DCAF7: variants seen among roughly 807,000 people sequenced by gnomAD.
DCAF7 encodes the protein DDB1- and CUL4-associated factor 7.
A neutral mutation model predicts 41.2 loss-of-function variants in DCAF7; 4 were observed. That is an observed-to-expected ratio of 0.10 (90% CI 0.05 to 0.22). The LOEUF is 0.22. Ranked by LOEUF, DCAF7 falls within the 10% of genes least tolerant of loss-of-function variation. The pLI is 1.00. For missense variants in DCAF7, 131 were observed against 443.2 expected, an observed-to-expected ratio of 0.30 and a Z score of 6.32; for synonymous variants, 143 against 164.2, an observed-to-expected ratio of 0.87 and a Z score of 0.99.
intron 1 of DCAF7, among the ~76,000 whole-genome samples, chr17:63,560,593 G>GAT (rs1294776777): frequency 1.3e-5 from 2 of 152,158 alleles, no homozygotes; most frequent in Non-Finnish European, 2.9e-5. Flanking sequence ...GTGTAGAAGG[G>GAT]ATACACAAGA....
intron 5 of DCAF7, 134 bp downstream of exon 5, chr17:63,583,845 T>G: frequency 2.2e-6 from 2 of 891,732 alleles, no homozygotes; most frequent in Non-Finnish European, 3.5e-6. Context: ...CATTTTTGAT[T>G]GTCACAGCTC....
At chr17:63,551,006 T>C (rs999139883) in intron 1 of DCAF7, among the ~76,000 whole-genome samples, 191 bp downstream of exon 1, 2 of 152,242 alleles carry the variant, frequency 1.3e-5, no homozygotes, top group African/African-American at 2.4e-5. Context: ...GCAGCATTCT[T>C]GTGTAGTCGG....
At chr17:63,569,741 G>A (rs535742591) in intron 1 of DCAF7, among the ~76,000 whole-genome samples, 2 of 152,196 alleles carry the variant, frequency 1.3e-5, no homozygotes, top group African/African-American at 4.8e-5. Context: ...GAGATGGAGT[G>A]TCACTCTGTT....
intron 1 of DCAF7, among the ~76,000 whole-genome samples, chr17:63,574,804 C>T (rs924552143): frequency 6.6e-6 from 1 of 151,964 alleles, no homozygotes; most frequent in African/African-American, 2.4e-5. Flanking sequence ...AAAACCCTGT[C>T]TCTACAAAAA....
rs1055201487 is a variant in DCAF7 at position 63,592,513 on chromosome 17, A to C, written c.*3341A>C. The stretch of plus-strand genomic sequence containing the variant: ...AGAAACAAAAAATTCAGAATCCTAC[A>C]AGGTTTTGATGACAATTAGGGCCAA... On this transcript the variant is annotated 3_prime_UTR_variant, in exon 7 of 7. Transcript: ENST00000614556. 2 of 152,234 alleles carry C rather than the reference A, an allele frequency of 1.3e-5. No homozygotes were observed. Among genetic ancestry groups the C allele is most frequent in the African/African-American group, 2.4e-5 (1 of 41,466 alleles). The allele number at this position is 152,234 out of a possible 1,614,324, so 9.4% of individuals were successfully genotyped here.
chr17:63,565,960 G>T (rs1290119925), intron 1 of DCAF7, among the ~76,000 whole-genome samples: 3 of 152,010 alleles, frequency 2.0e-5, no homozygotes, highest in Non-Finnish European at 4.4e-5. Context: ...AATTAGCTGG[G>T]CATGGTGGTG....
In DCAF7 at chr17:63,569,383, G is replaced by GA. The variant is rs796123483; in HGVS notation, c.139-9071dup. Among the ~76,000 whole-genome samples, 492 of 123,650 alleles carry GA rather than the reference G, an allele frequency of 4.0e-3. 2 individuals are homozygous for GA. Among genetic ancestry groups the GA allele is most frequent in the South Asian group, 0.02 (77 of 3,868 alleles). The allele number at this position is 123,650 out of a possible 152,430, so 81.1% of individuals were successfully genotyped here. On this transcript the variant is annotated intron_variant, in intron 1 of 6. Coordinates refer to ENST00000614556, the MANE Select transcript of DCAF7 (RefSeq NM_005828.5). ...ATAACCTATGGAGCTCTACTTTAAG[G>GA]AAAAAAAAAAAAAAAAGCTCATGCC... is the stretch of plus-strand genomic sequence containing the variant.
chr17:63,550,579 C>T lies in DCAF7; in HGVS notation c.-99C>T. Reference sequence around the variant, plus strand: ...CCGGGTTAGGCCGTTCCTGCCCGCCCCCTCCTCTCCTCCCTTCGGACCCAT... The same window carrying T: ...CCGGGTTAGGCCGTTCCTGCCCGCCTCCTCCTCTCCTCCCTTCGGACCCAT... On this transcript the variant is annotated 5_prime_UTR_variant, in exon 1 of 7. Transcript: ENST00000614556. The surrounding 1 kb of genome is among the most constrained non-coding windows in gnomAD (Gnocchi z 4.8). 6.6e-7 allele frequency: 1 copy of T among 1,525,328 alleles called. No homozygotes were observed. Among genetic ancestry groups the T allele is most frequent in the Admixed American group, 1.9e-5 (1 of 51,450 alleles). 94.5% of individuals were successfully genotyped at this position (1,525,328 alleles called of 1,614,324 possible). A position where few individuals can be genotyped will look rare whatever the true frequency, so the allele number is the denominator to read the frequency against.
Position 63,550,740 on chromosome 17 carries a change from G to C in DCAF7, c.63G>C (p.Ala21=). The C allele has an allele frequency of 6.2e-7, 1 of 1,613,944 alleles. No individual in the cohort carries two copies. Reference sequence around the variant, plus strand: ...ATGAAGCGCCCTGGACAGTCTACGCGATGAACTGGAGTGTGCGGCCCGATA... The same window carrying C: ...ATGAAGCGCCCTGGACAGTCTACGCCATGAACTGGAGTGTGCGGCCCGATA... ...YKYEAPWTVY[A]MNWSVRPDKR... is the part of the protein sequence containing the mutation. The change falls in exon 1 of 7, where the codon GCG becomes GCC. Residue 21 remains alanine (A), a synonymous_variant. Coordinates refer to ENST00000614556, the MANE Select transcript of DCAF7 (RefSeq NM_005828.5). This position sits in a 1 kb window ranked among gnomAD's most constrained non-coding sequence, Gnocchi z 4.8.
rs537614386 is a variant in DCAF7, at chr17:63,564,157, A to T, written c.138+13342A>T. ...TTTATACACACACACACACACACAC[A>T]CACACATACACATATATACACACAC... is the stretch of plus-strand genomic sequence containing the variant. On this transcript the variant is annotated intron_variant, in intron 1 of 6. Coordinates refer to ENST00000614556, the MANE Select transcript of DCAF7 (RefSeq NM_005828.5). Among the ~76,000 whole-genome samples, 18 of 152,106 alleles carry T rather than the reference A, an allele frequency of 1.2e-4. No homozygotes were observed. In the East Asian group the frequency reaches 2.1e-3, roughly 18 times the overall value.
Position 63,591,262 on chromosome 17 carries a change from C to T in DCAF7, c.*2090C>T, listed in dbSNP as rs1038678647. On this transcript the variant is annotated 3_prime_UTR_variant, in exon 7 of 7. Transcript: ENST00000614556. The stretch of plus-strand genomic sequence containing the variant: ...GGGCTGGTCTGCTGGGCAGGGCTTA[C>T]ATCCACTGAGTTCTAAGATTCCTTT... 3.3e-5 allele frequency: 5 copies of T among 152,206 alleles called. No homozygotes were observed. The highest frequency in any genetic ancestry group is 1.2e-4 in the African/African-American group (5 of 41,442). The allele number at this position is 152,206 out of a possible 1,614,324, so 9.4% of individuals were successfully genotyped here.
Position 63,552,645 on chromosome 17 carries a change from T to A in DCAF7, c.138+1830T>A, listed in dbSNP as rs185974629. 5 of 152,380 alleles carry A rather than the reference T, an allele frequency of 3.3e-5. No homozygotes were observed. In the East Asian group the frequency reaches 9.6e-4, roughly 29 times the overall value. 9.4% of individuals were successfully genotyped at this position (152,380 alleles called of 1,614,324 possible). ...GTCTTTCAAAGGGCTTAAGTCTTTT[T>A]ACACAAATTAATGTTTTTTCTTGTA... On this transcript the variant is annotated intron_variant, in intron 1 of 6. Transcript: ENST00000614556.
intron 1 of DCAF7, among the ~76,000 whole-genome samples, chr17:63,578,021 C>G (rs1345277374): frequency 2.6e-5 from 4 of 152,158 alleles, no homozygotes; most frequent in Admixed American, 2.6e-4. Context: ...GATACCCTCT[C>G]ATGGCAATCG....
chr17:63,556,045 G>T (rs2033307570), intron 1 of DCAF7, among the ~76,000 whole-genome samples: 1 of 152,182 alleles, frequency 6.6e-6, no homozygotes, highest in South Asian at 2.1e-4. Flanking sequence ...CTGGTCCTTG[G>T]TAATCAGTCA....
chr17:63,556,643 C>T (rs529028528), intron 1 of DCAF7, among the ~76,000 whole-genome samples: 27 of 151,808 alleles, frequency 1.8e-4, no homozygotes, highest in Non-Finnish European at 3.1e-4. Context: ...CTGAGGCTGG[C>T]GGATCACGAG....
At chr17:63,579,263 A>C in intron 2 of DCAF7, 74 bp from the exon 3 acceptor site, 2 of 1,000,752 alleles carry the variant, frequency 2.0e-6, no homozygotes, top group Non-Finnish European at 3.0e-6. Flanking sequence ...GATATTTTCT[A>C]AACAGGGATT....
intron 1 of DCAF7, among the ~76,000 whole-genome samples, chr17:63,575,560 C>T (rs1568102663): frequency 6.6e-6 from 1 of 151,992 alleles, no homozygotes; most frequent in African/African-American, 2.4e-5. Flanking sequence ...ATTGCCTGGG[C>T]GTGGTGGTGC....
In DCAF7 at chr17:63,589,421, C is replaced by G. The variant is rs1189021109; in HGVS notation, c.*249C>G. ...AGATTTTCTCTCCTTTCCTCTTCTCCTTTGGTTCCTCAATTAAAAAATGTG... is the reference window on the plus strand; with the variant it reads ...AGATTTTCTCTCCTTTCCTCTTCTCGTTTGGTTCCTCAATTAAAAAATGTG... On this transcript the variant is annotated 3_prime_UTR_variant, in exon 7 of 7. Coordinates refer to ENST00000614556, the MANE Select transcript of DCAF7 (RefSeq NM_005828.5). 1 of 555,544 alleles carries G rather than the reference C, an allele frequency of 1.8e-6. No individual in the cohort carries two copies. The highest frequency in any genetic ancestry group is 3.3e-6 in the Non-Finnish European group (1 of 304,826). The allele number at this position is 555,544 out of a possible 1,614,324, so 34.4% of individuals were successfully genotyped here. A position where few individuals can be genotyped will look rare whatever the true frequency, so the allele number is the denominator to read the frequency against.
At chr17:63,551,301 A>ACCCCCCC (rs1598022953) in intron 1 of DCAF7, among the ~76,000 whole-genome samples, 8 of 62,192 alleles carry the variant, frequency 1.3e-4, no homozygotes, top group South Asian at 6.7e-4. Flanking sequence ...CCCGCCCCCT[A>ACCCCCCC]CTCCCACCCC....
Sources: gnomAD v4.1 joint callset for allele counts (sites outside exome capture counted in the v4.1 genomes callset) on GRCh38, gnomAD v4.1.1 for gene constraint, Gnocchi (gnomAD v3.1) non-coding constraint, MANE v1.5 for transcripts, NCBI Gene and HGNC (gene_info 2026-07-23, HGNC 2026-07-21) for gene names.